GRIP1: variants seen among roughly 807,000 people sequenced by gnomAD.
The protein encoded by GRIP1 is glutamate receptor interacting protein 1, also known as glutamate receptor-interacting protein 1.
A neutral mutation model predicts 129.9 loss-of-function variants in GRIP1; 45 were observed. The ratio of observed to expected loss-of-function variants is 0.35; its 90% CI spans 0.27 to 0.44. The LOEUF (loss-of-function observed/expected upper bound fraction) is 0.44. Among genes scored for constraint, GRIP1 ranks in the 20% least tolerant of loss-of-function variants. The pLI is 1.00. For synonymous variants in GRIP1, 530 were observed against 520.8 expected (o/e 1.02, Z -0.24); for missense variants, 1,196 against 1,396.8 (o/e 0.86, Z 2.29).
intron 1 of GRIP1, among the ~76,000 whole-genome samples, chr12:66,708,796 C>A (rs1023813008): frequency 6.6e-6 from 1 of 151,692 alleles, no homozygotes; most frequent in Non-Finnish European, 1.5e-5. Context: ...ATTTTAAAAT[C>A]CACAAACTGA....
In GRIP1 at chr12:66,456,443, A is replaced by G; in HGVS notation, c.1043-101T>C. The G allele has an allele frequency of 5.2e-6, 3 of 578,688 alleles. No individual in the cohort carries two copies. In the South Asian group the frequency reaches 5.5e-5, roughly 11 times the overall value. 35.8% of individuals were successfully genotyped at this position (578,688 alleles called of 1,614,324 possible). On this transcript the variant is annotated intron_variant, in intron 9 of 24. Transcript: ENST00000359742. ...CTGAATTGCCCAAATTAAAAGTATAACAAAAAAGAAAGCTGCTTGCAAATA... is the reference window on the plus strand; with the variant it reads ...CTGAATTGCCCAAATTAAAAGTATAGCAAAAAAGAAAGCTGCTTGCAAATA...
At chr12:67,010,971 C>T (rs2042698294) in intron 1 of GRIP1, among the ~76,000 whole-genome samples, 1 of 152,142 alleles carries the variant, frequency 6.6e-6, no homozygotes, top group South Asian at 2.1e-4. Flanking sequence ...CCTCTCTGTA[C>T]TCGTCTCCCT....
chr12:66,949,040 A>G (rs1040412703), intron 1 of GRIP1, among the ~76,000 whole-genome samples: 2 of 152,148 alleles, frequency 1.3e-5, no homozygotes, highest in Admixed American at 1.3e-4. Flanking sequence ...GAGCAAAAGA[A>G]CCTTACCTCC....
chr12:66,526,376 A>G (rs1259292819), intron 5 of GRIP1, among the ~76,000 whole-genome samples: 5 of 152,350 alleles, frequency 3.3e-5, no homozygotes, highest in East Asian at 3.9e-4. Flanking sequence ...ATAATGCTGC[A>G]TGTCTACAAC....
chr12:66,651,291 A>T (rs939293901), intron 1 of GRIP1, among the ~76,000 whole-genome samples: 3 of 152,194 alleles, frequency 2.0e-5, no homozygotes, highest in African/African-American at 4.8e-5. Context: ...CTAAAGCAGG[A>T]TCAATATTTG....
At chr12:67,040,219 A>AC (rs1454560879) in intron 1 of GRIP1, among the ~76,000 whole-genome samples, 9 of 113,588 alleles carry the variant, frequency 7.9e-5, no homozygotes, top group African/African-American at 1.5e-4. Flanking sequence ...ACCCACCCCC[A>AC]CCCCCCCAGC....
At chr12:66,666,603 T>C (rs574161365) in intron 1 of GRIP1, among the ~76,000 whole-genome samples, 21 of 152,294 alleles carry the variant, frequency 1.4e-4, no homozygotes, top group Middle Eastern at 6.8e-3. Context: ...CTCATTTGGA[T>C]TGACTGTACT....
At chr12:66,765,247 A>G (rs1351333) in intron 1 of GRIP1, among the ~76,000 whole-genome samples, 8,324 of 152,134 alleles carry the variant, frequency 0.055, 398 homozygotes, top group East Asian at 0.18. Flanking sequence ...ATGACCTCGG[A>G]GTCATTTAGG....
At chr12:66,756,955 T>A (rs1387479603) in intron 1 of GRIP1, among the ~76,000 whole-genome samples, 1 of 152,208 alleles carries the variant, frequency 6.6e-6, no homozygotes, top group Non-Finnish European at 1.5e-5. Flanking sequence ...CTTTAATTTT[T>A]AAATTTTTGT....
chr12:66,918,605 AT>A (rs1318120383), intron 1 of GRIP1, among the ~76,000 whole-genome samples: 1 of 152,084 alleles, frequency 6.6e-6, no homozygotes, highest in Non-Finnish European at 1.5e-5. Flanking sequence ...ACATTAAAAT[AT>A]TTTCAAACAA....
At chr12:66,938,844 C>A (rs749367516) in intron 1 of GRIP1, among the ~76,000 whole-genome samples, 36 of 152,144 alleles carry the variant, frequency 2.4e-4, no homozygotes, top group South Asian at 6.2e-4. Context: ...GTAGTCCCAG[C>A]TACTCTGGAG....
chr12:66,719,025 T>G (rs1387649569), intron 1 of GRIP1, among the ~76,000 whole-genome samples: 1 of 152,042 alleles, frequency 6.6e-6, no homozygotes, highest in African/African-American at 2.4e-5. Context: ...AACTAAGAAA[T>G]TTTTTAGAAT....
intron 1 of GRIP1, among the ~76,000 whole-genome samples, chr12:66,703,564 A>G (rs372220262): frequency 2.6e-5 from 4 of 152,068 alleles, no homozygotes; most frequent in African/African-American, 9.7e-5. Flanking sequence ...GATCCAAGGA[A>G]TATGAATGAC....
chr12:66,772,645 C>A (rs1240180073), intron 1 of GRIP1, among the ~76,000 whole-genome samples: 2 of 152,134 alleles, frequency 1.3e-5, no homozygotes, highest in Admixed American at 1.3e-4. Flanking sequence ...TAGAGGGGCA[C>A]CTGATTTTGG....
chr12:66,917,299 A>G (rs1384989196), intron 1 of GRIP1, among the ~76,000 whole-genome samples: 2 of 152,214 alleles, frequency 1.3e-5, no homozygotes, highest in African/African-American at 4.8e-5. Context: ...AATAATCTCT[A>G]CACTTGCCTA....
At chr12:66,956,646 A>G (rs2041846234) in intron 1 of GRIP1, among the ~76,000 whole-genome samples, 1 of 152,160 alleles carries the variant, frequency 6.6e-6, no homozygotes, top group African/African-American at 2.4e-5. Context: ...CTATGTACAT[A>G]TCCCATTTCT....
intron 1 of GRIP1, among the ~76,000 whole-genome samples, chr12:66,938,766 G>C (rs75843347): frequency 0.056 from 8,577 of 152,164 alleles, 371 homozygotes; most frequent in East Asian, 0.23. Context: ...AGACCATCCT[G>C]GCCAACATGG....
At chr12:66,582,329 C>T (rs2063420714) in intron 2 of GRIP1, among the ~76,000 whole-genome samples, 1 of 139,630 alleles carries the variant, frequency 7.2e-6, no homozygotes, top group African/African-American at 2.6e-5. Context: ...GGAAGCATTC[C>T]CTCTGAAAAC....
At chr12:66,538,638 T>C (rs1592511744) in intron 4 of GRIP1, among the ~76,000 whole-genome samples, 1 of 152,282 alleles carries the variant, frequency 6.6e-6, no homozygotes, top group East Asian at 1.9e-4. Flanking sequence ...GGCCTTGCTA[T>C]GTCCCCCAGG....
Sources: allele counts gnomAD v4.1 joint callset (sites outside exome capture counted in the v4.1 genomes callset), GRCh38; gene constraint gnomAD v4.1.1; transcripts MANE v1.5; gene names NCBI Gene and HGNC (gene_info 2026-07-23, HGNC 2026-07-21).